Variants in B3GAT2 observed in about 807,000 individuals in gnomAD.
B3GAT2 encodes the protein beta-1,3-glucuronyltransferase 2, also known as galactosylgalactosylxylosylprotein 3-beta-glucuronosyltransferase 2.
A neutral mutation model predicts 27.8 loss-of-function variants in B3GAT2; 26 were observed. That is an observed-to-expected ratio of 0.93 (90% CI 0.68 to 1.30). The LOEUF is 1.30. Ranked by LOEUF, B3GAT2 falls within the 50% of genes most tolerant of loss-of-function variation. The pLI, the probability that B3GAT2 is intolerant of heterozygous loss-of-function variation, is 0.00. For missense variants in B3GAT2, 458 were observed against 459.0 expected, an observed-to-expected ratio of 1.00 and a Z score of 0.02; for synonymous variants, 218 against 195.1, an observed-to-expected ratio of 1.12 and a Z score of -0.98.
chr6:70,923,461 G>A (rs980786332), intron 1 of B3GAT2, among the ~76,000 whole-genome samples: 4 of 152,156 alleles, frequency 2.6e-5, no homozygotes, highest in African/African-American at 9.7e-5. Flanking sequence ...AGAATTGCTT[G>A]AGCCCAAGAG....
intron 1 of B3GAT2, among the ~76,000 whole-genome samples, chr6:70,954,915 C>CGGG (rs111472599): frequency 0.094 from 10,759 of 114,568 alleles, 1,195 homozygotes; most frequent in East Asian, 0.26. Flanking sequence ...CCGGGGGCGG[C>CGGG]GGGGGGGGGC....
rs551453852 is a variant in B3GAT2 at position 70,860,912 on chromosome 6, C to T, written c.*751G>A. ...AAACGTGGATGTTACTCCAAAACTTCGTTTAATGAATGCTTAAAGAATTCA... is the reference window on the plus strand; with the variant it reads ...AAACGTGGATGTTACTCCAAAACTTTGTTTAATGAATGCTTAAAGAATTCA... On this transcript the variant is annotated 3_prime_UTR_variant, in exon 4 of 4. Transcript: ENST00000230053. The T allele has an allele frequency of 6.4e-4, 245 of 383,906 alleles. 1 individual carries two copies. Among genetic ancestry groups the T allele is most frequent in the African/African-American group, 3.7e-3 (178 of 48,402 alleles). The allele number at this position is 383,906 out of a possible 1,614,324, so 23.8% of individuals were successfully genotyped here.
chr6:70,893,921 T>C (rs1445580756), intron 2 of B3GAT2, among the ~76,000 whole-genome samples: 1 of 152,112 alleles, frequency 6.6e-6, no homozygotes, highest in Non-Finnish European at 1.5e-5. Context: ...AGAAAGGGCA[T>C]TTTCTAATCA....
At chr6:70,931,734 T>G (rs1773066718) in intron 1 of B3GAT2, among the ~76,000 whole-genome samples, 1 of 152,182 alleles carries the variant, frequency 6.6e-6, no homozygotes, top group Non-Finnish European at 1.5e-5. Flanking sequence ...AAAGCCTTCA[T>G]GACATTGAAT....
At chr6:70,930,599 C>T (rs551247564) in intron 1 of B3GAT2, among the ~76,000 whole-genome samples, 5 of 152,130 alleles carry the variant, frequency 3.3e-5, no homozygotes, top group East Asian at 1.9e-4. Context: ...TCATCATCAC[C>T]GGCCATCAGA....
At chr6:70,933,151 C>T (rs1773087267) in intron 1 of B3GAT2, among the ~76,000 whole-genome samples, 1 of 152,170 alleles carries the variant, frequency 6.6e-6, no homozygotes, top group Non-Finnish European at 1.5e-5. Flanking sequence ...AAATGAACAT[C>T]TATATATTTT....
At chr6:70,920,429 C>T (rs915917025) in intron 1 of B3GAT2, among the ~76,000 whole-genome samples, 6 of 152,198 alleles carry the variant, frequency 3.9e-5, no homozygotes, top group Non-Finnish European at 7.3e-5. Context: ...TGGGCTGCAC[C>T]CACTGTCCAA....
rs528500362 is a variant in B3GAT2, at chr6:70,860,809, GCT to G, written c.*852_*853del. 53 of 397,822 alleles carry G rather than the reference GCT, an allele frequency of 1.3e-4. No individual in the cohort carries two copies. Among genetic ancestry groups the G allele is most frequent in the African/African-American group, 9.9e-4 (48 of 48,686 alleles). The allele number at this position is 397,822 out of a possible 1,614,324, so 24.6% of individuals were successfully genotyped here. A position where few individuals can be genotyped will look rare whatever the true frequency, so the allele number is the denominator to read the frequency against. ...GCACTGTTTTCTAGTGTATCAAAAT[GCT>G]CTTATTTCATCATTCACTTCACTGT... On this transcript the variant is annotated 3_prime_UTR_variant, in exon 4 of 4. Coordinates refer to ENST00000230053, the MANE Select transcript of B3GAT2 (RefSeq NM_080742.3).
intron 1 of B3GAT2, among the ~76,000 whole-genome samples, chr6:70,907,316 T>C (rs147932288): frequency 6.6e-6 from 1 of 152,158 alleles, no homozygotes; most frequent in East Asian, 1.9e-4. Context: ...TCCCAGCACA[T>C]TGCCATGTCT....
At chr6:70,947,034 G>A (rs1419497416) in intron 1 of B3GAT2, among the ~76,000 whole-genome samples, 3 of 151,954 alleles carry the variant, frequency 2.0e-5, no homozygotes, top group Admixed American at 1.3e-4. Flanking sequence ...TGAAACCAAC[G>A]AGAACAAAGA....
intron 2 of B3GAT2, among the ~76,000 whole-genome samples, chr6:70,887,027 C>T (rs910512957): frequency 1.2e-4 from 18 of 152,176 alleles, no homozygotes; most frequent in African/African-American, 4.3e-4. Context: ...TCAAGTCACT[C>T]TACTGAGAAG....
In B3GAT2 at chr6:70,858,287, CTTTTTTT is replaced by C. The variant is rs68188898; in HGVS notation, c.*3369_*3375del. ...ATCAAACCAGATTTATTTTCTAAAT[CTTTTTTT>C]TTTTTTTTTTTTTTTTTTTTTAAGT... On this transcript the variant is annotated 3_prime_UTR_variant, in exon 4 of 4. Transcript: ENST00000230053. 171 of 290,630 alleles carry C rather than the reference CTTTTTTT, an allele frequency of 5.9e-4. 2 individuals carry two copies. The highest frequency in any genetic ancestry group is 2.5e-3 in the African/African-American group (58 of 23,062). 18.0% of individuals were successfully genotyped at this position (290,630 alleles called of 1,614,324 possible).
chr6:70,909,518 G>A (rs1460338519), intron 1 of B3GAT2, among the ~76,000 whole-genome samples: 2 of 152,138 alleles, frequency 1.3e-5, no homozygotes, highest in East Asian at 3.8e-4. Flanking sequence ...TTGTAACTCT[G>A]GATGTATTAC....
At chr6:70,905,939 G>A (rs1190373446) in intron 1 of B3GAT2, among the ~76,000 whole-genome samples, 1 of 151,976 alleles carries the variant, frequency 6.6e-6, no homozygotes, top group Admixed American at 6.6e-5. Flanking sequence ...TAGAGAGAGA[G>A]GGACTGGGGC....
chr6:70,932,453 T>C (rs1484777351), intron 1 of B3GAT2, among the ~76,000 whole-genome samples: 1 of 152,218 alleles, frequency 6.6e-6, no homozygotes, highest in Non-Finnish European at 1.5e-5. Flanking sequence ...TAATAGAATG[T>C]TATTCAGCCC....
At chr6:70,887,486 T>C (rs1438896738) in intron 2 of B3GAT2, among the ~76,000 whole-genome samples, 2 of 152,152 alleles carry the variant, frequency 1.3e-5, no homozygotes, top group African/African-American at 2.4e-5. Flanking sequence ...CGGGGACAGC[T>C]GCTCTGGGAT....
chr6:70,918,330 G>T (rs944015863), intron 1 of B3GAT2, among the ~76,000 whole-genome samples: 1 of 150,604 alleles, frequency 6.6e-6, no homozygotes, highest in Non-Finnish European at 1.5e-5. Context: ...TACAGTCAAG[G>T]GTCTTGACTC....
At chr6:70,944,630 CCT>C (rs59757367) in intron 1 of B3GAT2, among the ~76,000 whole-genome samples, 108,997 of 151,916 alleles carry the variant, frequency 0.72, 39,421 homozygotes, top group African/African-American at 0.77. Context: ...GTAGGCTCCA[CCT>C]CTGAGGACAG....
rs1162020937 is a variant in B3GAT2, at chr6:70,942,872, T to C, written c.591+12967A>G. ...ACTGCTAAGATGCAAATCTCTTAGA[T>C]AACTGAAATCTCAGTTAATGGAGAA... On this transcript the variant is annotated intron_variant, in intron 1 of 3. Transcript: ENST00000230053. 3.3e-5 allele frequency among the ~76,000 whole-genome samples: 5 copies of C among 152,180 alleles called. No homozygotes were observed. In the South Asian group the frequency reaches 8.3e-4, roughly 25 times the overall value.
Sources: allele counts gnomAD v4.1 joint callset (sites outside exome capture counted in the v4.1 genomes callset), GRCh38; gene constraint gnomAD v4.1.1; transcripts MANE v1.5; gene names NCBI Gene and HGNC (gene_info 2026-07-23, HGNC 2026-07-21).